The following LY86 variants were observed in gnomAD, a reference collection of about 807,000 sequenced individuals.
LY86 encodes the protein MD-1, RP105-associated.
In LY86, 20 loss-of-function variants were observed where a neutral mutation model predicts 17.3. The ratio of observed to expected loss-of-function variants is 1.15; its 90% CI spans 0.81 to 1.68. The LOEUF (loss-of-function observed/expected upper bound fraction) is 1.68, where lower values mean the gene tolerates loss of function less well. Among genes scored for constraint, LY86 ranks in the 40% most tolerant of loss-of-function variants. The probability of loss-of-function intolerance (pLI) is 0.00; values close to 1 mark genes in which losing one functional copy is unlikely to be tolerated. For missense variants in LY86, 200 were observed against 191.9 expected (o/e 1.04, Z -0.25); for synonymous variants, 74 against 70.6 (o/e 1.05, Z -0.24).
Position 6,617,944 on chromosome 6 carries a change from G to A in LY86, c.137-6982G>A, listed in dbSNP as rs185305633. On this transcript the variant is annotated intron_variant, in intron 1 of 4. Coordinates refer to ENST00000230568, the MANE Select transcript of LY86 (RefSeq NM_004271.4). ...CAACCTCCGCCTCCCAGGTTCAAGC[G>A]GTTCTCCTGCCTCAGCCTTCTGAAT... is the stretch of plus-strand genomic sequence containing the variant. 5.6e-3 allele frequency among the ~76,000 whole-genome samples: 850 copies of A among 152,264 alleles called. 8 individuals are homozygous for A. The highest frequency in any genetic ancestry group is 0.019 in the African/African-American group (796 of 41,548).
chr6:6,603,615 C>CA (rs1221531073), intron 1 of LY86, among the ~76,000 whole-genome samples: 1,540 of 114,134 alleles, frequency 0.013, 62 homozygotes, highest in African/African-American at 0.042. Flanking sequence ...GAAAAAAAAA[C>CA]AAACAAAAAA....
chr6:6,644,574 C>T (rs1430878941), intron 3 of LY86, among the ~76,000 whole-genome samples: 1 of 151,732 alleles, frequency 6.6e-6, no homozygotes, highest in East Asian at 1.9e-4. Context: ...ACCCTTGGGA[C>T]CTTTTATTTC....
intron 1 of LY86, among the ~76,000 whole-genome samples, chr6:6,610,344 A>G (rs1009913031): frequency 6.6e-6 from 1 of 152,188 alleles, no homozygotes; most frequent in Non-Finnish European, 1.5e-5. Context: ...TTATTTTAAA[A>G]AAATGGCCTG....
chr6:6,592,757 C>G (rs887424363), intron 1 of LY86, among the ~76,000 whole-genome samples: 1 of 152,192 alleles, frequency 6.6e-6, no homozygotes, highest in African/African-American at 2.4e-5. Flanking sequence ...AACCAGGAAG[C>G]GAGCCCTCAC....
chr6:6,606,800 G>A (rs1005386130), intron 1 of LY86, among the ~76,000 whole-genome samples: 6 of 152,240 alleles, frequency 3.9e-5, no homozygotes, highest in East Asian at 1.9e-4. Flanking sequence ...TCCCGCTTAC[G>A]CCTCTCCCTC....
At position 6,597,822 on chromosome 6, in the gene LY86, C is replaced by T. The variant is rs533722326; in HGVS notation, c.136+8952C>T. Among the ~76,000 whole-genome samples, 50 of 152,364 alleles carry T rather than the reference C, an allele frequency of 3.3e-4. 1 individual carries two copies. The highest frequency in any genetic ancestry group is 2.2e-3 in the Admixed American group (34 of 15,308). Reference sequence around the variant, plus strand: ...AGCCCAGAAATCTCCACTCGCGTTTCCAAGCACGGTTTACAGTCTAAGGTT... The same window carrying T: ...AGCCCAGAAATCTCCACTCGCGTTTTCAAGCACGGTTTACAGTCTAAGGTT... On this transcript the variant is annotated intron_variant, in intron 1 of 4. Coordinates refer to ENST00000230568, the MANE Select transcript of LY86 (RefSeq NM_004271.4).
chr6:6,624,088 T>A (rs771628446), intron 1 of LY86, among the ~76,000 whole-genome samples: 1 of 152,050 alleles, frequency 6.6e-6, no homozygotes, highest in Admixed American at 6.6e-5. Flanking sequence ...ACTAAGACCA[T>A]TGCAAATGGG....
chr6:6,653,886 T>A (rs898336195), intron 4 of LY86, among the ~76,000 whole-genome samples: 5 of 152,166 alleles, frequency 3.3e-5, no homozygotes, highest in African/African-American at 1.2e-4. Context: ...CTCCAAGTCA[T>A]CTTCATCTCT....
At chr6:6,616,015 T>C (rs1208014874) in intron 1 of LY86, among the ~76,000 whole-genome samples, 1 of 152,252 alleles carries the variant, frequency 6.6e-6, no homozygotes, top group Admixed American at 6.5e-5. Context: ...TTCTTTCTAA[T>C]AGACTCCATC....
chr6:6,638,655 A>AT lies in LY86; in HGVS notation c.353-10961dup, dbSNP rs141701659. Among the ~76,000 whole-genome samples the AT allele has an allele frequency of 1.1e-4, 16 of 151,400 alleles. No individual in the cohort carries two copies. In the Middle Eastern group the frequency reaches 0.017, roughly 161 times the overall value. On this transcript the variant is annotated intron_variant, in intron 3 of 4. Coordinates refer to ENST00000230568, the MANE Select transcript of LY86 (RefSeq NM_004271.4). ...GACCTAGTAGTATCTATACTGCTCT[A>AT]TTTTTTTTTATTATTATTATACTTT...
intron 1 of LY86, among the ~76,000 whole-genome samples, chr6:6,601,757 G>C (rs1054110645): frequency 6.6e-6 from 1 of 152,076 alleles, no homozygotes; most frequent in Admixed American, 6.5e-5. Flanking sequence ...ACAATAGAAA[G>C]CAGAAGGGAC....
At chr6:6,654,492 G>A (rs1762231503) in intron 4 of LY86, 52 bp from the exon 5 acceptor site, 1 of 1,329,320 alleles carries the variant, frequency 7.5e-7, no homozygotes, top group Non-Finnish European at 1.1e-6. Flanking sequence ...TTGTTAAATG[G>A]TTAATTGTAC....
rs143520253 is a variant in LY86, at chr6:6,613,491, G to A, written c.137-11435G>A. Among the ~76,000 whole-genome samples, 38 of 152,284 alleles carry A rather than the reference G, an allele frequency of 2.5e-4. No individual in the cohort carries two copies. The East Asian group carries it at 6.6e-3, about 26-fold the overall frequency. ...TCGAGCACAGCAGCTGCTGGCCCAG[G>A]TGCTAAGCTCCTCACTGCCCGGGGC... On this transcript the variant is annotated intron_variant, in intron 1 of 4. Coordinates refer to ENST00000230568, the MANE Select transcript of LY86 (RefSeq NM_004271.4).
intron 3 of LY86, among the ~76,000 whole-genome samples, chr6:6,649,193 C>A (rs1272585116): frequency 6.6e-6 from 1 of 152,230 alleles, no homozygotes; most frequent in Non-Finnish European, 1.5e-5. Flanking sequence ...ATAAAACCAT[C>A]AGATCTCATG....
intron 1 of LY86, among the ~76,000 whole-genome samples, chr6:6,590,926 GCA>G (rs1021408519): frequency 6.6e-6 from 1 of 151,892 alleles, no homozygotes; most frequent in Non-Finnish European, 1.5e-5. Context: ...ACATTGAAGT[GCA>G]CACACACACA....
rs5743653 is a variant in LY86, at chr6:6,654,405, G to C, written c.406-139G>C. The C allele has an allele frequency of 1.6e-3, 1,043 of 651,582 alleles. 7 individuals carry two copies. The African/African-American group carries it at 0.017, about 11-fold the overall frequency. 40.4% of individuals were successfully genotyped at this position (651,582 alleles called of 1,614,324 possible). ...AGATGCTGTCAGCTCCACAGGGCAG[G>C]GGTTGGCTTGTCTTGTTCTACGTTA... On this transcript the variant is annotated intron_variant, in intron 4 of 4. Coordinates refer to ENST00000230568, the MANE Select transcript of LY86 (RefSeq NM_004271.4).
chr6:6,615,063 C>G (rs1761521644), intron 1 of LY86, among the ~76,000 whole-genome samples: 1 of 152,098 alleles, frequency 6.6e-6, no homozygotes, highest in Non-Finnish European at 1.5e-5. Context: ...AAACTTTGAG[C>G]CGAGTGATAC....
chr6:6,628,161 T>C (rs1053848189), intron 3 of LY86, among the ~76,000 whole-genome samples: 2 of 152,118 alleles, frequency 1.3e-5, no homozygotes, highest in African/African-American at 4.8e-5. Context: ...GAACTCATCA[T>C]TAGTCCGTCC....
At chr6:6,644,276 C>A (rs916608996) in intron 3 of LY86, among the ~76,000 whole-genome samples, 2 of 152,120 alleles carry the variant, frequency 1.3e-5, no homozygotes, top group Non-Finnish European at 2.9e-5. Context: ...GTAATCCTAG[C>A]ACTTTGGGAG....
Sources: allele counts gnomAD v4.1 joint callset (sites outside exome capture counted in the v4.1 genomes callset), GRCh38; gene constraint gnomAD v4.1.1; transcripts MANE v1.5; gene names NCBI Gene and HGNC (gene_info 2026-07-23, HGNC 2026-07-21).